TAOK3: variants seen among roughly 807,000 people sequenced by gnomAD.
The protein encoded by TAOK3 is TAO kinase 3, also known as serine/threonine-protein kinase TAO3.
In TAOK3, 40 loss-of-function variants were observed where a neutral mutation model predicts 120.4. That is an observed-to-expected ratio of 0.33 (90% CI 0.26 to 0.43). The LOEUF (loss-of-function observed/expected upper bound fraction) is 0.43. Ranked by LOEUF, TAOK3 falls within the 20% of genes least tolerant of loss-of-function variation. The probability of loss-of-function intolerance (pLI) is 1.00; values close to 1 mark genes in which losing one functional copy is unlikely to be tolerated. For missense variants in TAOK3, 821 were observed against 1,112.1 expected, an observed-to-expected ratio of 0.74 and a Z score of 3.72; for synonymous variants, 355 against 387.5, an observed-to-expected ratio of 0.92 and a Z score of 0.99.
At chr12:118,234,165 C>T (rs1030632927) in intron 8 of TAOK3, among the ~76,000 whole-genome samples, 4 of 144,264 alleles carry the variant, frequency 2.8e-5, no homozygotes, top group Admixed American at 7.0e-5. Context: ...TATATAGTTC[C>T]ATAAAGTATT....
chr12:118,327,887 T>C (rs919437212), intron 1 of TAOK3, among the ~76,000 whole-genome samples: 9 of 152,156 alleles, frequency 5.9e-5, no homozygotes, highest in African/African-American at 2.2e-4. Context: ...TATAAAGTTA[T>C]AATCTTCTGA....
rs1437417925 is a variant in TAOK3, at chr12:118,160,677, C to A, written c.2140-319G>T. 6.6e-6 allele frequency among the ~76,000 whole-genome samples: 1 copy of A among 152,166 alleles called. No homozygotes were observed. The highest frequency in any genetic ancestry group is 1.5e-5 in the Non-Finnish European group (1 of 68,026). On this transcript the variant is annotated intron_variant, in intron 18 of 20. Coordinates refer to ENST00000392533, the MANE Select transcript of TAOK3 (RefSeq NM_016281.4). This position sits in a 1 kb window ranked among gnomAD's most constrained non-coding sequence, Gnocchi z 4.2. ...GAAGCTTAGCTTGTTGAAAGAGTGG[C>A]AACTCTTTTCATGCTTTCCTAGTCA...
chr12:118,216,178 C>A (rs1443756084), intron 9 of TAOK3, among the ~76,000 whole-genome samples: 2 of 152,148 alleles, frequency 1.3e-5, no homozygotes, highest in Non-Finnish European at 2.9e-5. Flanking sequence ...GCCTGGGCAA[C>A]AGAGTGAGAC....
chr12:118,218,831 G>A (rs147373360), intron 9 of TAOK3, among the ~76,000 whole-genome samples: 62 of 152,266 alleles, frequency 4.1e-4, no homozygotes, highest in African/African-American at 1.1e-3. Flanking sequence ...GCTTGTGCCT[G>A]TAATCCCAGC....
chr12:118,303,914 T>C (rs566884043), intron 1 of TAOK3, among the ~76,000 whole-genome samples: 2 of 152,318 alleles, frequency 1.3e-5, no homozygotes, highest in South Asian at 2.1e-4. Context: ...TCCCAAAGTG[T>C]TGGGATTACA....
chr12:118,257,729 CAT>C (rs1227604815), intron 2 of TAOK3, among the ~76,000 whole-genome samples: 3 of 152,122 alleles, frequency 2.0e-5, no homozygotes, highest in Non-Finnish European at 4.4e-5. Context: ...TTTCTTGAGA[CAT>C]AGCCATAGGT....
intron 1 of TAOK3, among the ~76,000 whole-genome samples, chr12:118,278,487 T>C (rs2041981191): frequency 6.6e-6 from 1 of 152,234 alleles, no homozygotes; most frequent in Non-Finnish European, 1.5e-5. Context: ...TCTTTTTTCA[T>C]GGCTGCATAG....
intron 8 of TAOK3, among the ~76,000 whole-genome samples, chr12:118,234,808 C>T (rs186995948): frequency 7.9e-4 from 121 of 152,260 alleles, no homozygotes; most frequent in Middle Eastern, 3.4e-3. Flanking sequence ...TACAAAAACC[C>T]TAGGTTGTAG....
chr12:118,361,810 G>A (rs1048577029), intron 1 of TAOK3, among the ~76,000 whole-genome samples: 3 of 151,976 alleles, frequency 2.0e-5, no homozygotes, highest in East Asian at 3.9e-4. Flanking sequence ...TTTTAGATAC[G>A]GGGGTACATG....
intron 1 of TAOK3, among the ~76,000 whole-genome samples, chr12:118,336,274 C>G (rs188992161): frequency 6.6e-6 from 1 of 152,182 alleles, no homozygotes; most frequent in Non-Finnish European, 1.5e-5. Context: ...AAAGAAAGAA[C>G]CCAGAAATAG....
intron 1 of TAOK3, among the ~76,000 whole-genome samples, chr12:118,306,565 T>C (rs1415905292): frequency 6.6e-6 from 1 of 152,174 alleles, no homozygotes; most frequent in Non-Finnish European, 1.5e-5. Flanking sequence ...AAACGTTTCA[T>C]AATTTTTATA....
chr12:118,345,447 G>A (rs1215428010), intron 1 of TAOK3, among the ~76,000 whole-genome samples: 1 of 152,150 alleles, frequency 6.6e-6, no homozygotes, highest in Non-Finnish European at 1.5e-5. Context: ...AATAGAAGAG[G>A]AAGGAAGGCT....
rs762978991 is a variant in TAOK3, at chr12:118,172,528, T to G, written c.1828A>C (p.Lys610Gln). ...LLTQQRLYYD[K>Q]NCRFFKRKIM... ...TTCCGCTTGAAGAAACGACAATTTTTGTCGTAGTACAGTCTCTGTTGAGTG... is the reference window on the plus strand; with the variant it reads ...TTCCGCTTGAAGAAACGACAATTTTGGTCGTAGTACAGTCTCTGTTGAGTG... The change falls in exon 17 of 21, where the codon AAA becomes CAA. Residue 610 changes from lysine (K) to glutamine (Q), a missense_variant. Physicochemically the swap from Lys to Gln is moderately conservative, Grantham distance 53. Transcript: ENST00000392533. 6.2e-7 allele frequency: 1 copy of G among 1,614,196 alleles called. No individual in the cohort carries two copies. The highest frequency in any genetic ancestry group is 8.5e-7 in the Non-Finnish European group (1 of 1,180,034).
At chr12:118,326,664 T>C (rs1234575581) in intron 1 of TAOK3, among the ~76,000 whole-genome samples, 2 of 152,180 alleles carry the variant, frequency 1.3e-5, no homozygotes, top group Non-Finnish European at 2.9e-5. Flanking sequence ...ATTCTACTCA[T>C]TGGTAATAAT....
At chr12:118,231,452 C>T (rs1177330067) in intron 9 of TAOK3, among the ~76,000 whole-genome samples, 1 of 149,166 alleles carries the variant, frequency 6.7e-6, no homozygotes, top group Admixed American at 6.7e-5. Context: ...GTTGTTTTGT[C>T]GGAAGGGGTC....
chr12:118,330,808 A>C (rs73205551), intron 1 of TAOK3, among the ~76,000 whole-genome samples: 38,208 of 151,438 alleles, frequency 0.25, 5,694 homozygotes, highest in African/African-American at 0.42. Context: ...CAGAAGGTTA[A>C]AAAGGCAATC....
At chr12:118,285,217 A>G (rs1339861637) in intron 1 of TAOK3, among the ~76,000 whole-genome samples, 1 of 151,830 alleles carries the variant, frequency 6.6e-6, no homozygotes, top group Non-Finnish European at 1.5e-5. Context: ...TAATTTTTAT[A>G]TTTTTTGTAG....
chr12:118,287,444 G>C (rs570884012), intron 1 of TAOK3, among the ~76,000 whole-genome samples: 15 of 151,994 alleles, frequency 9.9e-5, no homozygotes, highest in Non-Finnish European at 2.2e-4. Flanking sequence ...GTAGAGATAG[G>C]GTTTCACCAT....
Position 118,177,274 on chromosome 12 carries a change from T to C in TAOK3, c.1622A>G (p.Gln541Arg). 6.2e-7 allele frequency: 1 copy of C among 1,613,794 alleles called. No individual in the cohort carries two copies. Among genetic ancestry groups the C allele is most frequent in the Non-Finnish European group, 8.5e-7 (1 of 1,179,838 alleles). Reference sequence around the variant, plus strand: ...TAAGAAAGTTGTCAAATCTTTCTTCTGCTGGGCCAAGATCTGTTGCTGGAA... The same window carrying C: ...TAAGAAAGTTGTCAAATCTTTCTTCCGCTGGGCCAAGATCTGTTGCTGGAA... ...KKFQQQILAQQKKDLTTFLES... is the reference protein window; with the variant it reads ...KKFQQQILAQRKKDLTTFLES... Residue 541 changes from glutamine (Q) to arginine (R), a missense_variant, in exon 16 of 21, where the codon CAG (glutamine) becomes CGG (arginine). Coordinates refer to ENST00000392533, the MANE Select transcript of TAOK3 (RefSeq NM_016281.4).
Sources: allele counts gnomAD v4.1 joint callset (sites outside exome capture counted in the v4.1 genomes callset), GRCh38; gene constraint gnomAD v4.1.1; non-coding constraint Gnocchi (gnomAD v3.1); transcripts MANE v1.5; gene names NCBI Gene and HGNC (gene_info 2026-07-23, HGNC 2026-07-21).